The following MECOM variants were observed in gnomAD, a reference collection of about 807,000 sequenced individuals.
MECOM encodes histone-lysine N-methyltransferase MECOM.
Under a neutral mutation model 116.3 loss-of-function variants are expected in MECOM, and 13 were observed. That is an observed-to-expected ratio of 0.11 (90% CI 0.07 to 0.18). The LOEUF is 0.18. MECOM is among the 10% of genes least tolerant of loss of function. The pLI is 1.00. For missense variants in MECOM, 1,299 were observed against 1,509.0 expected (o/e 0.86, Z 2.31); for synonymous variants, 528 against 535.2 (o/e 0.99, Z 0.19).
intron 1 of MECOM, among the ~76,000 whole-genome samples, chr3:169,542,375 G>A (rs180799062): frequency 1.6e-3 from 246 of 150,674 alleles, no homozygotes; most frequent in Admixed American, 2.9e-3. Context: ...TCCCCCCTCC[G>A]CCTATGCAAT....
intron 2 of MECOM, among the ~76,000 whole-genome samples, chr3:169,236,819 T>C (rs926387857): frequency 2.0e-5 from 3 of 152,232 alleles, no homozygotes; most frequent in African/African-American, 7.2e-5. Flanking sequence ...TGACTTTGTG[T>C]GCATGACTAT....
At chr3:169,165,638 T>G (rs1000617013) in intron 2 of MECOM, among the ~76,000 whole-genome samples, 1 of 152,174 alleles carries the variant, frequency 6.6e-6, no homozygotes, top group Admixed American at 6.5e-5. Flanking sequence ...GGCATAATGT[T>G]AAATGTTCAC....
intron 1 of MECOM, among the ~76,000 whole-genome samples, chr3:169,415,712 A>C (rs1738464541): frequency 6.6e-6 from 1 of 152,194 alleles, no homozygotes; most frequent in South Asian, 2.1e-4. Flanking sequence ...GAAAGAAAAA[A>C]AAAGCATGGG....
intron 2 of MECOM, among the ~76,000 whole-genome samples, chr3:169,171,396 G>A (rs572822256): frequency 3.9e-5 from 6 of 152,170 alleles, no homozygotes; most frequent in East Asian, 1.9e-4. Context: ...GACCCTTGGC[G>A]TTATGTCTCT....
chr3:169,642,429 A>ATG (rs1773611747), intron 1 of MECOM, among the ~76,000 whole-genome samples: 3 of 150,622 alleles, frequency 2.0e-5, no homozygotes. Flanking sequence ...CCCGGGCAAC[A>ATG]GAGCGAGACT....
intron 1 of MECOM, among the ~76,000 whole-genome samples, chr3:169,443,510 G>T (rs1041823862): frequency 1.3e-5 from 2 of 152,098 alleles, no homozygotes; most frequent in African/African-American, 4.8e-5. Context: ...AAGAAGCAGG[G>T]AAACAAAACA....
At chr3:169,548,251 T>G (rs1210560328) in intron 1 of MECOM, among the ~76,000 whole-genome samples, 1 of 152,048 alleles carries the variant, frequency 6.6e-6, no homozygotes, top group East Asian at 1.9e-4. Flanking sequence ...TTTAAAAACC[T>G]AATTTGAAGT....
At chr3:169,463,905 G>A (rs1747854431) in intron 1 of MECOM, 1 of 152,050 alleles carries the variant, frequency 6.6e-6, no homozygotes, top group African/African-American at 2.4e-5. Flanking sequence ...AAGTACGACT[G>A]CAAAAAAATT....
At position 169,429,281 on chromosome 3, in the gene MECOM, G is replaced by T. The variant is rs181364046; in HGVS notation, c.38-47757C>A. Reference sequence around the variant, plus strand: ...CTTCCTATTAAACCACTGTGTATAGGTGTTACGTGTGTGGGTGTGTATCTG... The same window carrying T: ...CTTCCTATTAAACCACTGTGTATAGTTGTTACGTGTGTGGGTGTGTATCTG... On this transcript the variant is annotated intron_variant, in intron 1 of 16. Coordinates refer to ENST00000651503, the MANE Select transcript of MECOM (RefSeq NM_004991.4). 6.4e-3 allele frequency among the ~76,000 whole-genome samples: 973 copies of T among 152,250 alleles called. 6 individuals are homozygous for T. Among genetic ancestry groups the T allele is most frequent in the Non-Finnish European group, 6.9e-3 (469 of 68,012 alleles).
chr3:169,306,947 C>T (rs2149722504), intron 2 of MECOM, among the ~76,000 whole-genome samples: 1 of 152,340 alleles, frequency 6.6e-6, no homozygotes, highest in South Asian at 2.1e-4. Flanking sequence ...TTATCTCCAA[C>T]CCAGACCACT....
At chr3:169,133,664 A>G (rs952936566) in intron 3 of MECOM, among the ~76,000 whole-genome samples, 9 of 152,178 alleles carry the variant, frequency 5.9e-5, no homozygotes, top group African/African-American at 1.9e-4. Flanking sequence ...TGCTGTTTCT[A>G]TAAAAAAAAT....
At position 169,305,344 on chromosome 3, in the gene MECOM, C is replaced by G. The variant is rs187411499; in HGVS notation, c.375+75843G>C. 4.1e-3 allele frequency among the ~76,000 whole-genome samples: 617 copies of G among 152,102 alleles called. 2 individuals carry two copies. Among genetic ancestry groups the G allele is most frequent in the Non-Finnish European group, 5.6e-3 (381 of 67,994 alleles). ...TAGGTGTAACAAGTCATCACAGAAG[C>G]CAAGGAGAATGATAATGTGCATCTC... On this transcript the variant is annotated intron_variant, in intron 2 of 16. Transcript: ENST00000651503.
At chr3:169,483,827 A>G (rs1029721941) in intron 1 of MECOM, 34 of 1,611,874 alleles carry the variant, frequency 2.1e-5, no homozygotes, top group Admixed American at 6.7e-5. Context: ...TTTTGGAGAA[A>G]GGCACCTCGG....
intron 2 of MECOM, among the ~76,000 whole-genome samples, chr3:169,339,538 G>C (rs1466468027): frequency 1.3e-5 from 2 of 152,228 alleles, no homozygotes; most frequent in Admixed American, 1.3e-4. Flanking sequence ...CCCTGGACCA[G>C]CATCCCTGGA....
intron 14 of MECOM, among the ~76,000 whole-genome samples, chr3:169,091,874 A>G (rs1174252297): frequency 1.3e-5 from 2 of 152,134 alleles, no homozygotes; most frequent in African/African-American, 4.8e-5. Flanking sequence ...TGATAACATC[A>G]AAAACAGAGG....
rs71166260 is a variant in MECOM at position 169,663,474 on chromosome 3, GTCTCTCTC to G, written c.-110_-103del. On this transcript the variant is annotated 5_prime_UTR_variant, in exon 1 of 17. Coordinates refer to ENST00000651503, the MANE Select transcript of MECOM (RefSeq NM_004991.4). Reference sequence around the variant, plus strand: ...CTCTCGCTCCCTCCCTCTCTCTCCTGTCTCTCTCTCTCTCTCTCTCTCTCTCTCTCTCT... The same window carrying G: ...CTCTCGCTCCCTCCCTCTCTCTCCTGTCTCTCTCTCTCTCTCTCTCTCTCT... The G allele has an allele frequency of 0.079, 44,595 of 563,812 alleles. 963 individuals are homozygous for G. Among genetic ancestry groups the G allele is most frequent in the East Asian group, 0.14 (3,292 of 23,080 alleles). The allele number at this position is 563,812 out of a possible 1,614,324, so 34.9% of individuals were successfully genotyped here.
intron 2 of MECOM, among the ~76,000 whole-genome samples, chr3:169,276,806 T>C (rs1759642813): frequency 6.6e-6 from 1 of 152,170 alleles, no homozygotes; most frequent in South Asian, 2.1e-4. Context: ...AAACTAGAGA[T>C]TAACCAAACT....
intron 1 of MECOM, among the ~76,000 whole-genome samples, chr3:169,631,712 T>A (rs538355409): frequency 1.3e-5 from 2 of 150,406 alleles, no homozygotes; most frequent in African/African-American, 4.9e-5. Flanking sequence ...ATATGCAGTG[T>A]TTGGTTTTTT....
intron 2 of MECOM, among the ~76,000 whole-genome samples, chr3:169,156,060 C>A (rs1741922696): frequency 6.6e-6 from 1 of 152,160 alleles, no homozygotes; most frequent in Non-Finnish European, 1.5e-5. Flanking sequence ...AGGAAACATC[C>A]TTCACACCAG....
Sources: allele counts gnomAD v4.1 joint callset (sites outside exome capture counted in the v4.1 genomes callset), GRCh38; gene constraint gnomAD v4.1.1; transcripts MANE v1.5; gene names NCBI Gene and HGNC (gene_info 2026-07-23, HGNC 2026-07-21).